Variants in ATP8B4 observed in about 807,000 individuals in gnomAD.
ATP8B4 encodes the protein ATPase phospholipid transporting 8B4 (putative), also known as probable phospholipid-transporting ATPase IM.
In ATP8B4, 133 loss-of-function variants were observed where a neutral mutation model predicts 145.6. That is an observed-to-expected ratio of 0.91 (90% CI 0.79 to 1.05). ATP8B4 has a LOEUF of 1.05. ATP8B4 is among the 50% of genes least tolerant of loss of function. The pLI, the probability that ATP8B4 is intolerant of heterozygous loss-of-function variation, is 0.00. For synonymous variants in ATP8B4, 507 were observed against 492.9 expected, an observed-to-expected ratio of 1.03 and a Z score of -0.38; for missense variants, 1,458 against 1,425.2, an observed-to-expected ratio of 1.02 and a Z score of -0.37.
intron 23 of ATP8B4, among the ~76,000 whole-genome samples, chr15:49,882,930 T>TA (rs907180715): frequency 2.0e-5 from 3 of 152,322 alleles, no homozygotes; most frequent in East Asian, 3.9e-4. Flanking sequence ...TTACCAATGA[T>TA]AAAAAATTTA....
intron 9 of ATP8B4, among the ~76,000 whole-genome samples, chr15:49,990,339 A>G (rs1329347476): frequency 6.6e-6 from 1 of 152,192 alleles, no homozygotes; most frequent in African/African-American, 2.4e-5. Flanking sequence ...AAAAAATCGC[A>G]TCATTTCTCA....
chr15:49,959,764 G>A (rs2043900682), intron 14 of ATP8B4, among the ~76,000 whole-genome samples: 1 of 151,986 alleles, frequency 6.6e-6, no homozygotes, highest in Admixed American at 6.6e-5. Flanking sequence ...TATTTATGCA[G>A]AAAACCTGAA....
At chr15:49,871,187 T>C (rs1256500583) in intron 25 of ATP8B4, among the ~76,000 whole-genome samples, 1 of 152,222 alleles carries the variant, frequency 6.6e-6, no homozygotes, top group Admixed American at 6.5e-5. Flanking sequence ...TTCTCAATGG[T>C]GGTAATAGTA....
rs141795127 is a variant in ATP8B4, at chr15:50,051,451, AAGAAG to A, written c.88-3992_88-3988del. 4.1e-3 allele frequency among the ~76,000 whole-genome samples: 632 copies of A among 152,334 alleles called. 27 individuals are homozygous for A. The East Asian group carries it at 0.093, about 22-fold the overall frequency. On this transcript the variant is annotated intron_variant, in intron 3 of 27. Transcript: ENST00000284509. Reference sequence around the variant, plus strand: ...TTTGTGCTACAAGTTCTGGGAAAATAAGAAGAGATGTCAAGAGAAGAGTTTCCAGC... The same window carrying A: ...TTTGTGCTACAAGTTCTGGGAAAATAAGATGTCAAGAGAAGAGTTTCCAGC...
intron 1 of ATP8B4, among the ~76,000 whole-genome samples, chr15:50,108,592 C>T (rs2153669539): frequency 6.6e-6 from 1 of 152,264 alleles, no homozygotes; most frequent in Admixed American, 6.5e-5. Context: ...TTCACACATG[C>T]TCTTCCCTCT....
intron 13 of ATP8B4, among the ~76,000 whole-genome samples, chr15:49,968,887 C>T (rs188700987): frequency 5.8e-4 from 88 of 152,290 alleles, no homozygotes; most frequent in African/African-American, 2.1e-3. Flanking sequence ...AAACACTCCT[C>T]AGCAAATGCA....
intron 6 of ATP8B4, among the ~76,000 whole-genome samples, chr15:50,022,192 TA>T (rs1359290146): frequency 6.6e-6 from 1 of 152,160 alleles, no homozygotes; most frequent in Non-Finnish European, 1.5e-5. Flanking sequence ...TACATTTCCC[TA>T]AAAAGTAGAC....
At chr15:49,962,149 C>A (rs1047252959) in intron 13 of ATP8B4, 129 bp from the exon 14 acceptor site, 21 of 675,976 alleles carry the variant, frequency 3.1e-5, no homozygotes, top group Non-Finnish European at 4.0e-5. Context: ...TTTAAACAGG[C>A]GAATGGTTTT....
intron 2 of ATP8B4, among the ~76,000 whole-genome samples, chr15:50,098,403 G>C (rs981479186): frequency 6.8e-6 from 1 of 146,180 alleles, no homozygotes; most frequent in Non-Finnish European, 1.5e-5. Context: ...GCTATCCTCC[G>C]AGCTCAGTCT....
At chr15:49,908,919 C>T (rs114636336) in intron 20 of ATP8B4, among the ~76,000 whole-genome samples, 1,687 of 152,250 alleles carry the variant, frequency 0.011, 32 homozygotes, top group African/African-American at 0.039. Flanking sequence ...ACACACTTCC[C>T]AGCCACCTGC....
intron 12 of ATP8B4, among the ~76,000 whole-genome samples, chr15:49,977,508 G>A (rs2153529405): frequency 6.6e-6 from 1 of 152,104 alleles, no homozygotes; most frequent in Non-Finnish European, 1.5e-5. Flanking sequence ...GAAGACTTCT[G>A]CCCCTCTTTA....
At chr15:49,909,894 A>G (rs2039053055) in intron 20 of ATP8B4, among the ~76,000 whole-genome samples, 1 of 152,200 alleles carries the variant, frequency 6.6e-6, no homozygotes, top group Non-Finnish European at 1.5e-5. Context: ...AGCGACTGTT[A>G]TACCAGATGT....
At chr15:49,886,519 A>G (rs1032583289) in intron 23 of ATP8B4, among the ~76,000 whole-genome samples, 6 of 152,164 alleles carry the variant, frequency 3.9e-5, no homozygotes, top group Non-Finnish European at 7.4e-5. Flanking sequence ...AGAATTCTTT[A>G]TTGAGACAAT....
At chr15:50,110,641 C>G (rs2056892526) in intron 1 of ATP8B4, among the ~76,000 whole-genome samples, 2 of 152,242 alleles carry the variant, frequency 1.3e-5, no homozygotes, top group African/African-American at 4.8e-5. Context: ...AGAATAAGTT[C>G]TCCCTCTTAA....
In ATP8B4 at chr15:49,923,569, A is replaced by G. The variant is rs1198818315; in HGVS notation, c.1643-75T>C. On this transcript the variant is annotated intron_variant, in intron 16 of 27. Coordinates refer to ENST00000284509, the MANE Select transcript of ATP8B4 (RefSeq NM_024837.4). ...CAAAATTAGATTCTCCCAGAGCTCC[A>G]GCCTGGCAATTTGGAAATGGGCATA... 8 of 1,043,240 alleles carry G rather than the reference A, an allele frequency of 7.7e-6. No homozygotes were observed. In the East Asian group the frequency reaches 1.8e-4, roughly 23 times the overall value. The allele number at this position is 1,043,240 out of a possible 1,614,324, so 64.6% of individuals were successfully genotyped here. A position where few individuals can be genotyped will look rare whatever the true frequency, so the allele number is the denominator to read the frequency against.
intron 14 of ATP8B4, among the ~76,000 whole-genome samples, chr15:49,952,225 T>A (rs1012226993): frequency 5.9e-5 from 9 of 152,170 alleles, no homozygotes; most frequent in African/African-American, 1.9e-4. Flanking sequence ...ATTTCTTGAA[T>A]TTTCATGTTG....
chr15:49,906,259 TA>T (rs1351526241), intron 20 of ATP8B4, among the ~76,000 whole-genome samples: 1 of 152,358 alleles, frequency 6.6e-6, no homozygotes, highest in East Asian at 1.9e-4. Context: ...CTTATTTTCT[TA>T]AGGGAAATTT....
intron 14 of ATP8B4, among the ~76,000 whole-genome samples, chr15:49,954,768 T>C (rs2043411875): frequency 6.6e-6 from 1 of 152,092 alleles, no homozygotes. Context: ...CATTTGGAGA[T>C]TTCTCAGAAA....
At chr15:49,956,075 A>G (rs1358877216) in intron 14 of ATP8B4, among the ~76,000 whole-genome samples, 1 of 152,200 alleles carries the variant, frequency 6.6e-6, no homozygotes, top group African/African-American at 2.4e-5. Flanking sequence ...ATTCAATAGT[A>G]AATATGATCC....
Sources: gnomAD v4.1 joint callset for allele counts (sites outside exome capture counted in the v4.1 genomes callset) on GRCh38, gnomAD v4.1.1 for gene constraint, MANE v1.5 for transcripts, NCBI Gene and HGNC (gene_info 2026-07-23, HGNC 2026-07-21) for gene names.